The following SLC2A5 variants were observed in gnomAD, a reference collection of about 807,000 sequenced individuals.
SLC2A5 encodes the protein solute carrier family 2, facilitated glucose transporter member 5.
SLC2A5 carries 56 observed loss-of-function variants against 50.3 expected under a neutral mutation model. The observed-to-expected ratio is 1.11, with a 90% CI of 0.90 to 1.39. The LOEUF (loss-of-function observed/expected upper bound fraction) is 1.39, where lower values mean the gene tolerates loss of function less well. Among genes scored for constraint, SLC2A5 ranks in the 40% most tolerant of loss-of-function variants. SLC2A5 has a pLI of 0.00. For synonymous variants in SLC2A5, 269 were observed against 281.9 expected (o/e 0.95, Z 0.46); for missense variants, 566 against 650.1 (o/e 0.87, Z 1.41).
At chr1:9,070,072 G>GTT (rs56828280), upstream of SLC2A5, among the ~76,000 whole-genome samples, 995 of 62,508 alleles carry the variant, frequency 0.016, 158 homozygotes, top group East Asian at 0.053. Context: ...CTCATTTTCT[G>GTT]TTTTTTTTTT....
intron 1 of SLC2A5, among the ~76,000 whole-genome samples, chr1:9,067,525 A>T (rs1345101919): frequency 6.6e-6 from 1 of 152,200 alleles, no homozygotes; most frequent in Non-Finnish European, 1.5e-5. Flanking sequence ...TGGACAGCGG[A>T]GGACCTCCCT....
intron 2 of SLC2A5, among the ~76,000 whole-genome samples, chr1:9,079,999 T>C (rs574476833): frequency 6.6e-6 from 1 of 152,344 alleles, no homozygotes; most frequent in South Asian, 2.1e-4. Context: ...ACCACCATTC[T>C]ACTTTTCTGC....
intron 3 of SLC2A5, among the ~76,000 whole-genome samples, chr1:9,049,535 G>C (rs960455522): frequency 6.6e-6 from 1 of 151,648 alleles, no homozygotes; most frequent in Non-Finnish European, 1.5e-5. Flanking sequence ...GGCCAGCCTG[G>C]TCAGCATGGT....
intron 2 of SLC2A5, among the ~76,000 whole-genome samples, chr1:9,081,468 T>TAAAAAAAAA (rs34557003): frequency 1.1e-4 from 11 of 102,468 alleles, no homozygotes; most frequent in Admixed American, 1.1e-4. Context: ...CTCCTTCTCT[T>TAAAAAAAAA]AAAAAAAAAA....
At chr1:9,082,097 A>C (rs969085585) in intron 2 of SLC2A5, among the ~76,000 whole-genome samples, 1 of 152,098 alleles carries the variant, frequency 6.6e-6, no homozygotes, top group African/African-American at 2.4e-5. Context: ...AAATAAAATA[A>C]AACGAATGTT....
At chr1:9,061,172 C>T (rs1641932851) in intron 1 of SLC2A5, among the ~76,000 whole-genome samples, 2 of 150,906 alleles carry the variant, frequency 1.3e-5, no homozygotes, top group South Asian at 4.2e-4. Flanking sequence ...ATCCCAACTA[C>T]TCAGGAGGCT....
chr1:9,072,796 C>CAAA (rs59542603), upstream of SLC2A5, among the ~76,000 whole-genome samples: 35 of 124,248 alleles, frequency 2.8e-4, no homozygotes, highest in African/African-American at 1.0e-3. Flanking sequence ...CTAAAAATGC[C>CAAA]AAAAAAAAAA....
intron 3 of SLC2A5, chr1:9,049,218 C>G (rs1361889826): frequency 1.3e-5 from 6 of 456,064 alleles, no homozygotes; most frequent in Middle Eastern, 6.5e-4. Context: ...TCCAGCATTC[C>G]TAAACACTGA....
At chr1:9,048,679 G>T (rs906354810) in intron 3 of SLC2A5, among the ~76,000 whole-genome samples, 3 of 148,432 alleles carry the variant, frequency 2.0e-5, no homozygotes, top group African/African-American at 2.5e-5. Flanking sequence ...TCTTTTTTTT[G>T]AGACAGAGTC....
chr1:9,082,852 A>G (rs1466149646), intron 2 of SLC2A5: 3 of 377,738 alleles, frequency 7.9e-6, no homozygotes, highest in Non-Finnish European at 1.5e-5. Context: ...CAGCAGTTCG[A>G]TGATCATGTA....
intron 3 of SLC2A5, among the ~76,000 whole-genome samples, chr1:9,048,601 A>G (rs1641494604): frequency 6.6e-6 from 1 of 151,940 alleles, no homozygotes. Context: ...AAGTCAATAA[A>G]ATTTAACACC....
chr1:9,065,927 G>C (rs1199921456), intron 1 of SLC2A5, among the ~76,000 whole-genome samples: 2 of 151,120 alleles, frequency 1.3e-5, no homozygotes, highest in Non-Finnish European at 3.0e-5. Context: ...CTGGGTGATA[G>C]AGCCAGACCC....
intron 7 of SLC2A5, 52 bp from the exon 8 acceptor site, chr1:9,039,714 G>C (rs754230868): frequency 1.4e-6 from 2 of 1,448,590 alleles, no homozygotes; most frequent in Admixed American, 5.3e-5. Flanking sequence ...CGGCCTCGGC[G>C]CCAGGACCCA....
At chr1:9,083,213 G>T (rs1026956004) in intron 2 of SLC2A5, among the ~76,000 whole-genome samples, 3 of 152,324 alleles carry the variant, frequency 2.0e-5, no homozygotes, top group Admixed American at 2.0e-4. Context: ...GGCAACGCAA[G>T]GGCAGGGCCC....
intron 2 of SLC2A5, among the ~76,000 whole-genome samples, chr1:9,079,604 G>C (rs1642330599): frequency 6.6e-6 from 1 of 152,158 alleles, no homozygotes; most frequent in African/African-American, 2.4e-5. Flanking sequence ...TCCTGCCTCA[G>C]CCTCCCAAAT....
intron 1 of SLC2A5, among the ~76,000 whole-genome samples, chr1:9,063,765 G>C (rs1349756547): frequency 9.1e-6 from 1 of 110,474 alleles, no homozygotes; most frequent in Non-Finnish European, 1.7e-5. Flanking sequence ...GCGCGATCTC[G>C]GCTCACTGCA....
At chr1:9,059,757 C>T (rs576107987) in intron 1 of SLC2A5, among the ~76,000 whole-genome samples, 2 of 151,966 alleles carry the variant, frequency 1.3e-5, no homozygotes, top group South Asian at 2.1e-4. Flanking sequence ...TGGTCTCAAA[C>T]TCCTGGGCTC....
intron 9 of SLC2A5, 128 bp downstream of exon 9, chr1:9,038,700 C>A: frequency 7.2e-7 from 1 of 1,395,768 alleles, no homozygotes. Flanking sequence ...AGATGTCTGG[C>A]CAGTTGTATT....
At chr1:9,051,743 C>A (rs1379190310) in intron 3 of SLC2A5, among the ~76,000 whole-genome samples, 4 of 152,140 alleles carry the variant, frequency 2.6e-5, no homozygotes, top group Non-Finnish European at 4.4e-5. Context: ...TAAACATATG[C>A]TTATCTGTAC....
Sources: allele counts gnomAD v4.1 joint callset (sites outside exome capture counted in the v4.1 genomes callset), GRCh38; gene constraint gnomAD v4.1.1; transcripts MANE v1.5; gene names NCBI Gene and HGNC (gene_info 2026-07-23, HGNC 2026-07-21).